DST: variants seen among roughly 807,000 people sequenced by gnomAD.
The protein encoded by DST is bullous pemphigoid antigen.
In DST, 253 loss-of-function variants were observed where a neutral mutation model predicts 875.2. That is an observed-to-expected ratio of 0.29 (90% CI 0.26 to 0.32). DST has a LOEUF of 0.32. DST is among the 10% of genes least tolerant of loss of function. The pLI, the probability that DST is intolerant of heterozygous loss-of-function variation, is 1.00. For synonymous variants in DST, 3,124 were observed against 3,197.1 expected (o/e 0.98, Z 0.77); for missense variants, 8,287 against 9,111.6 (o/e 0.91, Z 3.68).
chr6:56,851,465 C>G lies in DST; in HGVS notation c.557G>C (p.Arg186Thr), dbSNP rs758880425. The G allele has an allele frequency of 6.2e-7, 1 of 1,614,054 alleles. No individual in the cohort carries two copies. ...TLPWNLPKHE[R>T]SKRKIQGGSV... ...GCCCCCTTGAATCTTTCTTTTCGAT[C>G]TCTCATGTTTAGGCAAATTCCAGGG... The change falls in exon 4 of 104, where the codon AGA becomes ACA. Residue 186 changes from arginine (R) to threonine (T), a missense_variant. Arg to Thr is a moderately conservative substitution (Grantham distance 71). This residue lies in a region of DST where 1,160 missense variants were observed against 1,424.3 expected (regional missense o/e 0.81). Coordinates refer to ENST00000680361, the MANE Select transcript of DST (RefSeq NM_001374736.1).
intron 61 of DST, among the ~76,000 whole-genome samples, chr6:56,551,462 T>A (rs1469535180): frequency 6.6e-6 from 1 of 152,204 alleles, no homozygotes; most frequent in Non-Finnish European, 1.5e-5. Flanking sequence ...CTTTGTCCCC[T>A]ATACAGATGT....
chr6:56,682,658 AAAG>A (rs1305078311), intron 9 of DST, among the ~76,000 whole-genome samples: 1 of 152,184 alleles, frequency 6.6e-6, no homozygotes, highest in African/African-American at 2.4e-5. Flanking sequence ...AGTTCAAACC[AAAG>A]AAGAAGGCTT....
chr6:56,603,161 T>C (rs770033376), intron 42 of DST, 44 bp downstream of exon 42: 8 of 1,555,192 alleles, frequency 5.1e-6, no homozygotes, highest in Non-Finnish European at 7.0e-6. Flanking sequence ...CCTCAAATAA[T>C]AAAATTTTCT....
chr6:56,835,611 T>C (rs2099792691), intron 4 of DST, among the ~76,000 whole-genome samples: 1 of 152,232 alleles, frequency 6.6e-6, no homozygotes, highest in Admixed American at 6.5e-5. Context: ...ACCTACATAA[T>C]CTCTACTGCT....
chr6:56,825,213 T>C (rs2099778773), intron 4 of DST, among the ~76,000 whole-genome samples: 1 of 146,288 alleles, frequency 6.8e-6, no homozygotes, highest in Admixed American at 6.8e-5. Context: ...AACCCTGTGC[T>C]CTCTGAAACA....
chr6:56,781,133 T>C (rs770687393), intron 4 of DST, among the ~76,000 whole-genome samples: 4 of 152,216 alleles, frequency 2.6e-5, no homozygotes, highest in Non-Finnish European at 5.9e-5. Context: ...TGTAGCCTTG[T>C]AGTATTGTTT....
At position 56,892,617 on chromosome 6, in the gene DST, C is replaced by T. The variant is rs572958438; in HGVS notation, c.417+7804G>A. The stretch of plus-strand genomic sequence containing the variant: ...CTGGGATTCCAGGTGTGAGCCGCCA[C>T]GCCCAGCACTACCCATATTTTAAAG... On this transcript the variant is annotated intron_variant, in intron 3 of 103. Transcript: ENST00000680361. Among the ~76,000 whole-genome samples, 6 of 152,164 alleles carry T rather than the reference C, an allele frequency of 3.9e-5. No individual in the cohort carries two copies. The South Asian group carries it at 8.3e-4, about 21-fold the overall frequency.
intron 49 of DST, among the ~76,000 whole-genome samples, chr6:56,583,854 A>G (rs1436277844): frequency 6.6e-6 from 1 of 152,226 alleles, no homozygotes; most frequent in Non-Finnish European, 1.5e-5. Flanking sequence ...TAAATAGGGA[A>G]TCCTTTCCCC....
intron 4 of DST, among the ~76,000 whole-genome samples, chr6:56,800,807 C>A (rs2099745739): frequency 6.6e-6 from 1 of 152,002 alleles, no homozygotes; most frequent in African/African-American, 2.4e-5. Flanking sequence ...CTGCTTGAGC[C>A]CAGGAGTTCG....
At chr6:56,784,697 G>T (rs1272528183) in intron 4 of DST, among the ~76,000 whole-genome samples, 1 of 152,196 alleles carries the variant, frequency 6.6e-6, no homozygotes. Context: ...GGAGTAGTTT[G>T]ATCGTCTGAA....
intron 4 of DST, among the ~76,000 whole-genome samples, chr6:56,785,103 G>A (rs550663830): frequency 2.6e-4 from 40 of 152,334 alleles, no homozygotes; most frequent in African/African-American, 8.7e-4. Flanking sequence ...TCTCAGAGGA[G>A]TACCCGGCCG....
rs558068567 is a variant in DST, at chr6:56,900,290, G to T, written c.417+131C>A. On this transcript the variant is annotated intron_variant, in intron 3 of 103. Transcript: ENST00000680361. ...TCCTTGCTGAAACTCATATGAGTAC[G>T]CTGCCACTTGTTGGGAATAACAACA... The T allele has an allele frequency of 2.0e-5, 14 of 691,034 alleles. No individual in the cohort carries two copies. The South Asian group carries it at 2.2e-4, about 11-fold the overall frequency. 42.8% of individuals were successfully genotyped at this position (691,034 alleles called of 1,614,324 possible). A position where few individuals can be genotyped will look rare whatever the true frequency, so the allele number is the denominator to read the frequency against.
intron 9 of DST, among the ~76,000 whole-genome samples, chr6:56,686,004 C>T (rs141867553): frequency 1.7e-3 from 262 of 152,276 alleles, no homozygotes; most frequent in African/African-American, 6.2e-3. Context: ...ATGTTTATCA[C>T]AGCACTAGTC....
chr6:56,595,787 C>G lies in DST; in HGVS notation c.12196-1594G>C, dbSNP rs976131594. The stretch of plus-strand genomic sequence containing the variant: ...AAATACATTCATATGCTACCCCCAC[C>G]CCACCCCGAGAAGGGCTTTGCACAA... On this transcript the variant is annotated intron_variant, in intron 47 of 103. Transcript: ENST00000680361. Among the ~76,000 whole-genome samples the G allele has an allele frequency of 3.6e-4, 53 of 146,126 alleles. 3 individuals are homozygous for G. Among genetic ancestry groups the G allele is most frequent in the African/African-American group, 1.4e-3 (52 of 35,890 alleles).
intron 61 of DST, among the ~76,000 whole-genome samples, chr6:56,544,323 C>CT (rs1253782973): frequency 6.6e-6 from 1 of 152,182 alleles, no homozygotes; most frequent in Non-Finnish European, 1.5e-5. Context: ...TCTAAACACT[C>CT]TAAGATCCTT....
chr6:56,911,227 T>C (rs1798722986), intron 2 of DST, among the ~76,000 whole-genome samples: 1 of 152,164 alleles, frequency 6.6e-6, no homozygotes, highest in Non-Finnish European at 1.5e-5. Flanking sequence ...ATTAATTCTA[T>C]AGATCAGTGC....
At chr6:56,459,672 T>C (rs1198511845) in intron 103 of DST, among the ~76,000 whole-genome samples, 3 of 152,182 alleles carry the variant, frequency 2.0e-5, no homozygotes, top group Non-Finnish European at 2.9e-5. Flanking sequence ...ACTCCAAGAA[T>C]GTAGGAATTC....
At chr6:56,891,594 C>T (rs1031977965) in intron 3 of DST, among the ~76,000 whole-genome samples, 80 of 142,132 alleles carry the variant, frequency 5.6e-4, no homozygotes, top group Non-Finnish European at 7.5e-5. Flanking sequence ...AAAAATTAGC[C>T]AGGCATGCTG....
chr6:56,726,587 C>T (rs1382218142), intron 5 of DST, among the ~76,000 whole-genome samples: 2 of 152,192 alleles, frequency 1.3e-5, no homozygotes, highest in Non-Finnish European at 2.9e-5. Context: ...AGAATGAATC[C>T]TAACTTGGAC....
Sources: gnomAD v4.1 joint callset for allele counts (sites outside exome capture counted in the v4.1 genomes callset) on GRCh38, gnomAD v4.1.1 for gene constraint, gnomAD v4.1.1 regional missense constraint, MANE v1.5 for transcripts, NCBI Gene and HGNC (gene_info 2026-07-23, HGNC 2026-07-21) for gene names.